MAD2L2: variants seen among roughly 807,000 people sequenced by gnomAD.
MAD2L2 encodes mitotic arrest deficient 2 like 2.
A neutral mutation model predicts 30.5 loss-of-function variants in MAD2L2; 17 were observed. The observed-to-expected ratio is 0.56, with a 90% CI of 0.38 to 0.84. The LOEUF is 0.84. MAD2L2 is among the 40% of genes least tolerant of loss of function. The probability of loss-of-function intolerance (pLI) is 0.00; values close to 1 mark genes in which losing one functional copy is unlikely to be tolerated. For missense variants in MAD2L2, 213 were observed against 277.4 expected, an observed-to-expected ratio of 0.77 and a Z score of 1.65; for synonymous variants, 101 against 113.9, an observed-to-expected ratio of 0.89 and a Z score of 0.72.
In MAD2L2 at chr1:11,690,924, G is replaced by A. The variant is rs1641050051; in HGVS notation, c.-692+489C>T. ...CGGGGCGTGGCGAGAGCCGCGCCGCGTGTGAGTGTGTGTGTGTGTGTGTTT... is the reference window on the plus strand; with the variant it reads ...CGGGGCGTGGCGAGAGCCGCGCCGCATGTGAGTGTGTGTGTGTGTGTGTTT... On this transcript the variant is annotated intron_variant, in intron 1 of 10. Transcript: ENST00000235310. This position sits in a 1 kb window ranked among gnomAD's most constrained non-coding sequence, Gnocchi z 4.2. Among the ~76,000 whole-genome samples, 1 of 143,858 alleles carries A rather than the reference G, an allele frequency of 7.0e-6. No homozygotes were observed. The highest frequency in any genetic ancestry group is 2.3e-4 in the South Asian group (1 of 4,354). The allele number at this position is 143,858 out of a possible 152,430, so 94.4% of individuals were successfully genotyped here. A position where few individuals can be genotyped will look rare whatever the true frequency, so the allele number is the denominator to read the frequency against.
chr1:11,690,678 C>T lies in MAD2L2; in HGVS notation c.-692+735G>A, dbSNP rs1641044929. On this transcript the variant is annotated intron_variant, in intron 1 of 10. Transcript: ENST00000235310. The surrounding 1 kb of genome is among the most constrained non-coding windows in gnomAD (Gnocchi z 4.2). ...GGGCGCCAGGTGGGAGCGCTGCTTCCCACATATGGGAGTCCGGCCCCATCG... is the reference window on the plus strand; with the variant it reads ...GGGCGCCAGGTGGGAGCGCTGCTTCTCACATATGGGAGTCCGGCCCCATCG... Among the ~76,000 whole-genome samples the T allele has an allele frequency of 6.6e-6, 1 of 152,210 alleles. No homozygotes were observed. The highest frequency in any genetic ancestry group is 2.1e-4 in the South Asian group (1 of 4,830).
chr1:11,679,478 C>A (rs1640828109), intron 3 of MAD2L2, among the ~76,000 whole-genome samples: 1 of 152,038 alleles, frequency 6.6e-6, no homozygotes, highest in Admixed American at 6.6e-5. Context: ...CTCCTCACAC[C>A]AAGGTTCACC....
intron 1 of MAD2L2, 58 bp from the exon 2 acceptor site, chr1:11,680,671 C>G (rs931439224): frequency 1.3e-6 from 2 of 1,504,406 alleles, no homozygotes; most frequent in African/African-American, 1.4e-5. Flanking sequence ...CCAGAACCCG[C>G]TCGCTTCCAC....
chr1:11,675,621 A>C, intron 7 of MAD2L2, 37 bp downstream of exon 7: 6 of 1,600,384 alleles, frequency 3.7e-6, no homozygotes, highest in Non-Finnish European at 5.1e-6. Context: ...TCACGTTTCT[A>C]GAGCCTGCGC....
Position 11,674,487 on chromosome 1 carries a change from A to T in MAD2L2, c.*288T>A. 2 of 372,232 alleles carry T rather than the reference A, an allele frequency of 5.4e-6. No homozygotes were observed. Among genetic ancestry groups the T allele is most frequent in the East Asian group, 1.1e-4 (2 of 17,494 alleles). 23.1% of individuals were successfully genotyped at this position (372,232 alleles called of 1,614,324 possible). A position where few individuals can be genotyped will look rare whatever the true frequency, so the allele number is the denominator to read the frequency against. On this transcript the variant is annotated 3_prime_UTR_variant, in exon 9 of 9. Transcript: ENST00000376692. This position sits in a 1 kb window ranked among gnomAD's most constrained non-coding sequence, Gnocchi z 6.1. ...AGTTAATGATGGCTCAGCTCAGCCC[A>T]GCCCTTGGGGCCCCTTTATTGAAAC...
intron 6 of MAD2L2, 100 bp downstream of exon 6, chr1:11,675,945 GA>G (rs1640760289): frequency 9.7e-7 from 1 of 1,034,546 alleles, no homozygotes; most frequent in African/African-American, 1.6e-5. Context: ...GGGTTAGGAA[GA>G]GATGAGTCTC....
chr1:11,691,512 G>C (rs1024866710), exon 1 of MAD2L2: 1 of 151,996 alleles, frequency 6.6e-6, no homozygotes, highest in African/African-American at 2.4e-5. Flanking sequence ...CGCGGCGGCG[G>C]CGCCTAGGCC....
At chr1:11,679,435 T>C (rs1440850338) in intron 3 of MAD2L2, among the ~76,000 whole-genome samples, 1 of 152,146 alleles carries the variant, frequency 6.6e-6, no homozygotes, top group Non-Finnish European at 1.5e-5. Flanking sequence ...GGATAAATGG[T>C]AGGGAGAAGA....
At chr1:11,675,591 G>A (rs1005579106) in intron 7 of MAD2L2, 67 bp downstream of exon 7, 1 of 1,489,966 alleles carries the variant, frequency 6.7e-7, no homozygotes, top group Non-Finnish European at 9.4e-7. Context: ...CAGTGCCCCT[G>A]CCCGCCTGGA....
Position 11,687,803 on chromosome 1 carries a change from C to T in MAD2L2, c.-692+3610G>A, listed in dbSNP as rs1346832174. Among the ~76,000 whole-genome samples the T allele has an allele frequency of 6.6e-6, 1 of 152,224 alleles. No homozygotes were observed. Among genetic ancestry groups the T allele is most frequent in the African/African-American group, 2.4e-5 (1 of 41,460 alleles). On this transcript the variant is annotated intron_variant, in intron 1 of 10. Transcript: ENST00000235310. The surrounding 1 kb of genome is among the most constrained non-coding windows in gnomAD (Gnocchi z 4.1). ...CAGGTCGAATCACATATTGATACTT[C>T]ATTCCTTCGTAGAACCAAAATACTC... is the stretch of plus-strand genomic sequence containing the variant.
At chr1:11,685,285 G>A (rs12069516), upstream of MAD2L2, among the ~76,000 whole-genome samples, 69,059 of 152,088 alleles carry the variant, frequency 0.45, 17,270 homozygotes, top group East Asian at 0.67. Context: ...AGAATGAATG[G>A]CAGAGGAATG....
intron 1 of MAD2L2, among the ~76,000 whole-genome samples, chr1:11,689,036 C>T (rs1570297857): frequency 6.6e-6 from 1 of 152,194 alleles, no homozygotes; most frequent in East Asian, 1.9e-4. Flanking sequence ...TGGCTTACCC[C>T]TGTAACCCTA....
upstream of MAD2L2, chr1:11,681,829 G>A (rs565442308): frequency 6.6e-6 from 1 of 152,276 alleles, no homozygotes; most frequent in African/African-American, 2.4e-5. Flanking sequence ...GGCAGTTACT[G>A]TGACTGTTCT....
At chr1:11,676,355 G>T (rs1049575376) in intron 5 of MAD2L2, among the ~76,000 whole-genome samples, 1 of 152,136 alleles carries the variant, frequency 6.6e-6, no homozygotes, top group African/African-American at 2.4e-5. Flanking sequence ...TCAGAATTCG[G>T]CGGGGGGTAG....
chr1:11,677,450 C>A, intron 4 of MAD2L2, 93 bp downstream of exon 4: 1 of 1,257,320 alleles, frequency 8.0e-7, no homozygotes. Context: ...CCACAGAGTC[C>A]TAGCTTCACC....
chr1:11,676,323 C>T (rs1640768520), intron 5 of MAD2L2, among the ~76,000 whole-genome samples, 183 bp from the exon 6 acceptor site: 2 of 152,154 alleles, frequency 1.3e-5, no homozygotes, highest in Non-Finnish European at 1.5e-5. Context: ...AAAAGAAATG[C>T]CCAGCCCCAC....
Position 11,687,464 on chromosome 1 carries a change from T to C in MAD2L2, c.-692+3949A>G, listed in dbSNP as rs1640979580. ...CATATTGGCCAGGCTGGTCTCGAAC[T>C]CCTGACCTCAGGTGACCCACCTACC... On this transcript the variant is annotated intron_variant, in intron 1 of 10. Transcript: ENST00000235310. The surrounding 1 kb of genome is among the most constrained non-coding windows in gnomAD (Gnocchi z 4.1). Among the ~76,000 whole-genome samples, 1 of 152,192 alleles carries C rather than the reference T, an allele frequency of 6.6e-6. No individual in the cohort carries two copies. The highest frequency in any genetic ancestry group is 2.1e-4 in the South Asian group (1 of 4,834).
intron 3 of MAD2L2, among the ~76,000 whole-genome samples, chr1:11,679,439 GAGA>G (rs1640827794): frequency 6.6e-6 from 1 of 152,210 alleles, no homozygotes; most frequent in Admixed American, 6.5e-5. Context: ...AAATGGTAGG[GAGA>G]AGATTTGGAG....
intron 7 of MAD2L2, among the ~76,000 whole-genome samples, 158 bp downstream of exon 7, chr1:11,675,500 C>G (rs986868199): frequency 2.0e-5 from 3 of 152,208 alleles, no homozygotes; most frequent in Non-Finnish European, 4.4e-5. Context: ...CCCAAGTGCC[C>G]AGATGGAGCA....
Sources: gnomAD v4.1 joint callset for allele counts (sites outside exome capture counted in the v4.1 genomes callset) on GRCh38, gnomAD v4.1.1 for gene constraint, Gnocchi (gnomAD v3.1) non-coding constraint, MANE v1.5 for transcripts, NCBI Gene and HGNC (gene_info 2026-07-23, HGNC 2026-07-21) for gene names.